Variants in CYFIP1 observed in about 807,000 individuals in gnomAD.
The protein encoded by CYFIP1 is cytoplasmic FMR1 interacting protein 1.
A neutral mutation model predicts 163.5 loss-of-function variants in CYFIP1; 58 were observed. That is an observed-to-expected ratio of 0.35 (90% confidence interval 0.29 to 0.44). The LOEUF (loss-of-function observed/expected upper bound fraction) is 0.44. Among genes scored for constraint, CYFIP1 ranks in the 20% least tolerant of loss-of-function variants. The probability of loss-of-function intolerance (pLI) is 1.00; values close to 1 mark genes in which losing one functional copy is unlikely to be tolerated. For missense variants in CYFIP1, 1,338 were observed against 1,653.8 expected, an observed-to-expected ratio of 0.81 and a Z score of 3.31; for synonymous variants, 663 against 660.7, an observed-to-expected ratio of 1.00 and a Z score of -0.05.
intron 21 of CYFIP1, among the ~76,000 whole-genome samples, chr15:22,908,568 C>G (rs1286805222): frequency 1.7e-5 from 2 of 119,494 alleles, no homozygotes; most frequent in Admixed American, 1.1e-4. Context: ...CTTGCTCTGT[C>G]GCCCAGGCTG....
At chr15:22,947,834 G>T in intron 1 of CYFIP1, 1 of 585,168 alleles carries the variant, frequency 1.7e-6, no homozygotes, top group Non-Finnish European at 2.2e-6. Flanking sequence ...GTATGGGGCT[G>T]CCGCAGGGGA....
chr15:22,879,550 G>A (rs1294499792), intron 26 of CYFIP1, among the ~76,000 whole-genome samples: 4 of 152,116 alleles, frequency 2.6e-5, no homozygotes, highest in Admixed American at 1.3e-4. Context: ...GTCACACTGA[G>A]CCACACTTCA....
At chr15:22,909,482 T>C (rs1344580678) in intron 20 of CYFIP1, among the ~76,000 whole-genome samples, 169 bp from the exon 21 acceptor site, 1 of 152,198 alleles carries the variant, frequency 6.6e-6, no homozygotes, top group Non-Finnish European at 1.5e-5. Context: ...GTGTGTCTTT[T>C]TACAGGTGTT....
At chr15:22,964,154 A>T (rs1007558586) in intron 1 of CYFIP1, among the ~76,000 whole-genome samples, 1 of 130,362 alleles carries the variant, frequency 7.7e-6, no homozygotes, top group Non-Finnish European at 1.6e-5. Context: ...ATCACTTCAC[A>T]TACTTTTTTT....
At position 22,943,356 on chromosome 15, in the gene CYFIP1, T is replaced by C. The variant is rs935583704; in HGVS notation, c.388-2A>G. On this transcript the variant is annotated splice_acceptor_variant, in intron 5 of 30. Coordinates refer to ENST00000617928, the MANE Select transcript of CYFIP1 (RefSeq NM_014608.6). LOFTEE classifies it high-confidence loss of function. ...GCAGAAACGCTCAATGGCATTTCTC[T>C]GTGCAGAGGAAGCAGGAGGGCAGAA... 1 of 1,613,482 alleles carries C rather than the reference T, an allele frequency of 6.2e-7. No homozygotes were observed. Among genetic ancestry groups the C allele is most frequent in the Non-Finnish European group, 8.5e-7 (1 of 1,179,870 alleles).
chr15:22,912,659 C>G (rs779362346), intron 17 of CYFIP1, among the ~76,000 whole-genome samples: 1 of 152,212 alleles, frequency 6.6e-6, no homozygotes, highest in Non-Finnish European at 1.5e-5. Flanking sequence ...TGGTTCATGC[C>G]TGTAATCCCA....
intron 1 of CYFIP1, among the ~76,000 whole-genome samples, chr15:22,979,659 G>C (rs1213878535): frequency 6.6e-6 from 1 of 152,144 alleles, no homozygotes; most frequent in Non-Finnish European, 1.5e-5. Flanking sequence ...TTAAGCTCAC[G>C]CATTTCAGCC....
rs759624468 is a variant in CYFIP1 at position 22,917,943 on chromosome 15, C to A, written c.1527-8G>T. On this transcript the variant is annotated splice_polypyrimidine_tract_variant and splice_region_variant and intron_variant, in intron 14 of 30. Coordinates refer to ENST00000617928, the MANE Select transcript of CYFIP1 (RefSeq NM_014608.6). The surrounding 1 kb of genome is among the most constrained non-coding windows in gnomAD (Gnocchi z 4.2). ...CTGATGGCCTGCAGGACACTGAACA[C>A]CCCACCAAGTGATCAGCAAGGCCCA... The A allele has an allele frequency of 4.3e-6, 7 of 1,611,566 alleles. 1 individual carries two copies. The East Asian group carries it at 8.9e-5, about 21-fold the overall frequency.
chr15:22,901,533 AG>A (rs1421184990), intron 22 of CYFIP1, among the ~76,000 whole-genome samples: 1 of 152,188 alleles, frequency 6.6e-6, no homozygotes, highest in East Asian at 1.9e-4. Flanking sequence ...TCTGGAAAAG[AG>A]GCCTAACTCT....
intron 22 of CYFIP1, among the ~76,000 whole-genome samples, chr15:22,898,221 C>A (rs538646307): frequency 6.6e-6 from 1 of 152,216 alleles, no homozygotes; most frequent in East Asian, 1.9e-4. Context: ...TAAATCTAAA[C>A]CCTGTTACTC....
intron 30 of CYFIP1, among the ~76,000 whole-genome samples, chr15:22,871,008 ACAG>A (rs1218759503): frequency 6.6e-6 from 1 of 152,332 alleles, no homozygotes; most frequent in East Asian, 1.9e-4. Flanking sequence ...GCAGATGCCA[ACAG>A]CGGCGGTGGG....
chr15:22,956,740 G>C (rs1163622143), intron 1 of CYFIP1, among the ~76,000 whole-genome samples: 1 of 152,200 alleles, frequency 6.6e-6, no homozygotes, highest in Admixed American at 6.5e-5. Context: ...CGAGACAGCA[G>C]TGTGCATGCG....
intron 6 of CYFIP1, 121 bp downstream of exon 6, chr15:22,943,052 A>T: frequency 1.1e-6 from 1 of 881,278 alleles, no homozygotes; most frequent in South Asian, 1.7e-5. Context: ...ACTGAGACGT[A>T]GCTGCTGCCT....
rs748894929 is a variant in CYFIP1, at chr15:22,947,021, G to A, written c.189C>T (p.Ala63=). ...ACATTACCATGCTAGAGTGGACGGT[G>A]GCTTGTTCAATGTATCTTGCGATGC... is the stretch of plus-strand genomic sequence containing the variant. ...VTGIARYIEQ[A]TVHSSMNEML... Residue 63 remains alanine, a synonymous_variant, in exon 3 of 31, where the codon GCC becomes GCT. Coordinates refer to ENST00000617928, the MANE Select transcript of CYFIP1 (RefSeq NM_014608.6). The A allele has an allele frequency of 1.2e-6, 2 of 1,613,860 alleles. No individual in the cohort carries two copies. The highest frequency in any genetic ancestry group is 3.3e-5 in the Admixed American group (2 of 60,028).
At chr15:22,903,668 G>C in intron 22 of CYFIP1, 38 bp downstream of exon 22, 1 of 1,607,852 alleles carries the variant, frequency 6.2e-7, no homozygotes, top group South Asian at 1.1e-5. Flanking sequence ...GTCCCTGAGC[G>C]CCTCGCCTGT....
chr15:22,882,632 C>A (rs1269050167), intron 24 of CYFIP1, among the ~76,000 whole-genome samples: 1 of 152,164 alleles, frequency 6.6e-6, no homozygotes, highest in Non-Finnish European at 1.5e-5. Context: ...TAGCAAGACC[C>A]CCTCTCTACA....
intron 1 of CYFIP1, among the ~76,000 whole-genome samples, chr15:22,963,536 T>TAACATAACATAACATAA (rs2062774126): frequency 1.4e-5 from 2 of 145,312 alleles, no homozygotes; most frequent in Admixed American, 6.9e-5. Context: ...TAACATAACA[T>TAACATAACATAACATAA]AACATAACAT....
At chr15:22,945,941 A>T (rs2062044501) in intron 3 of CYFIP1, among the ~76,000 whole-genome samples, 1 of 152,058 alleles carries the variant, frequency 6.6e-6, no homozygotes, top group African/African-American at 2.4e-5. Flanking sequence ...AAATAGTTGA[A>T]TTGTGGACAT....
intron 6 of CYFIP1, 84 bp downstream of exon 6, chr15:22,943,089 A>C (rs1309790114): frequency 2.2e-6 from 3 of 1,360,208 alleles, no homozygotes; most frequent in South Asian, 1.3e-5. Flanking sequence ...TCAGCAAACA[A>C]AGACGCACAC....
Sources: gnomAD v4.1 joint callset for allele counts (sites outside exome capture counted in the v4.1 genomes callset) on GRCh38, gnomAD v4.1.1 for gene constraint, Gnocchi (gnomAD v3.1) non-coding constraint, MANE v1.5 for transcripts, NCBI Gene and HGNC (gene_info 2026-07-23, HGNC 2026-07-21) for gene names.